The following TMEM209 variants were observed in gnomAD, a reference collection of about 807,000 sequenced individuals.
The protein encoded by TMEM209 is transmembrane protein 209, also known as testicular tissue protein Li 202.
In TMEM209, 65 loss-of-function variants were observed where a neutral mutation model predicts 76.2. That is an observed-to-expected ratio of 0.85 (90% CI 0.70 to 1.05). The LOEUF is 1.05. Ranked by LOEUF, TMEM209 falls within the 50% of genes least tolerant of loss-of-function variation. TMEM209 has a pLI of 0.00. For synonymous variants in TMEM209, 239 were observed against 237.6 expected (o/e 1.01, Z -0.06); for missense variants, 623 against 685.5 (o/e 0.91, Z 1.02).
chr7:130,195,221 C>A (rs1797930076), intron 5 of TMEM209, among the ~76,000 whole-genome samples: 1 of 152,082 alleles, frequency 6.6e-6, no homozygotes, highest in Non-Finnish European at 1.5e-5. Context: ...TATACATTAG[C>A]ATGTAGGGAG....
intron 9 of TMEM209, among the ~76,000 whole-genome samples, chr7:130,178,954 C>CT (rs1220298239): frequency 6.6e-6 from 1 of 151,822 alleles, no homozygotes; most frequent in Non-Finnish European, 1.5e-5. Context: ...CACTTTTTTT[C>CT]TTTTTTTCTA....
intron 6 of TMEM209, among the ~76,000 whole-genome samples, chr7:130,188,247 T>C (rs1395096970): frequency 1.3e-5 from 2 of 152,180 alleles, no homozygotes; most frequent in Non-Finnish European, 2.9e-5. Context: ...TAAAACAGAA[T>C]GCTCCTCTTT....
Position 130,203,978 on chromosome 7 carries a change from C to A in TMEM209, c.136G>T (p.Glu46Ter), listed in dbSNP as rs745659800. Residue 46 changes from glutamate (E) to a stop codon, truncating the protein, a stop_gained, in exon 2 of 15, where the codon GAA becomes TAA. Transcript: ENST00000397622. LOFTEE classifies it high-confidence loss of function. ...TTTTTGGACTGATTCACTTACATTT[C>A]AGTATATATCATTCCAGCCATAGAT... ...NVSMAGMIYT[E>*]MTGKLISSYY... 6.2e-7 allele frequency: 1 copy of A among 1,612,564 alleles called. No homozygotes were observed. Among genetic ancestry groups the A allele is most frequent in the South Asian group, 1.1e-5 (1 of 90,616 alleles).
chr7:130,200,972 C>G (rs977593696), intron 5 of TMEM209, among the ~76,000 whole-genome samples: 1 of 151,106 alleles, frequency 6.6e-6, no homozygotes, highest in African/African-American at 2.4e-5. Context: ...GCCTGTAGTC[C>G]CAGCTACTCG....
chr7:130,205,386 C>T lies in TMEM209; in HGVS notation c.-11G>A, dbSNP rs537338799. 3.5e-5 allele frequency: 57 copies of T among 1,613,914 alleles called. 1 individual carries two copies. In the South Asian group the frequency reaches 5.4e-4, roughly 15 times the overall value. ...CCGAAAACGCACCATGTCCTCTGGC[C>T]GGAAAACGCAGGCTCGCGCCACTCT... On this transcript the variant is annotated 5_prime_UTR_variant, in exon 1 of 15. Transcript: ENST00000397622.
chr7:130,185,228 A>G lies in TMEM209; in HGVS notation c.915T>C (p.Asp305=). ...CTTGTTTAGAGCTGAGATCGGCTTC[A>G]TCTTTGTTAGCACATGGGGCCTGAG... ...CRSQAPCANK[D]EADLSSKQAA... Residue 305 remains aspartate (D), a synonymous_variant, in exon 7 of 15, where the codon GAT becomes GAC. Transcript: ENST00000397622. 1 of 1,613,912 alleles carries G rather than the reference A, an allele frequency of 6.2e-7. No individual in the cohort carries two copies. Among genetic ancestry groups the G allele is most frequent in the Non-Finnish European group, 8.5e-7 (1 of 1,179,820 alleles).
At chr7:130,183,079 G>A (rs1367673394) in intron 8 of TMEM209, among the ~76,000 whole-genome samples, 2 of 152,178 alleles carry the variant, frequency 1.3e-5, no homozygotes, top group East Asian at 3.8e-4. Flanking sequence ...ATGAGGAAAT[G>A]TATTTGTATT....
chr7:130,175,360 C>A, intron 11 of TMEM209, 152 bp downstream of exon 11: 1 of 615,574 alleles, frequency 1.6e-6, no homozygotes, highest in Non-Finnish European at 2.7e-6. Context: ...ACTTGGGAGG[C>A]TGAGCTGGGA....
chr7:130,171,833 T>C (rs775585168), intron 13 of TMEM209, among the ~76,000 whole-genome samples: 6 of 152,180 alleles, frequency 3.9e-5, no homozygotes, highest in Non-Finnish European at 8.8e-5. Context: ...ATCAAGACCA[T>C]CCTGGCTAAC....
At chr7:130,185,041 T>C (rs1479717777) in intron 7 of TMEM209, 151 bp downstream of exon 7, 1 of 905,300 alleles carries the variant, frequency 1.1e-6, no homozygotes, top group African/African-American at 1.7e-5. Context: ...GCACACAAAG[T>C]AAGACAGGAG....
chr7:130,197,621 A>G (rs868025778), intron 5 of TMEM209, among the ~76,000 whole-genome samples: 1 of 152,348 alleles, frequency 6.6e-6, no homozygotes, highest in African/African-American at 2.4e-5. Context: ...TAAACAAAGG[A>G]TGATATTAAG....
At chr7:130,177,022 G>A (rs1157180059) in intron 10 of TMEM209, among the ~76,000 whole-genome samples, 2 of 73,042 alleles carry the variant, frequency 2.7e-5, no homozygotes, top group Admixed American at 3.1e-4. Context: ...AGAGCGAGCC[G>A]GGTCTCAAAA....
intron 7 of TMEM209, 148 bp downstream of exon 7, chr7:130,185,044 G>T: frequency 1.1e-6 from 1 of 920,322 alleles, no homozygotes; most frequent in Non-Finnish European, 1.6e-6. Flanking sequence ...CACAAAGTAA[G>T]ACAGGAGCTT....
intron 9 of TMEM209, among the ~76,000 whole-genome samples, chr7:130,181,413 T>G (rs1226796668): frequency 6.6e-6 from 1 of 152,218 alleles, no homozygotes; most frequent in African/African-American, 2.4e-5. Context: ...CCCAAGACTT[T>G]GGACTGTACA....
intron 5 of TMEM209, among the ~76,000 whole-genome samples, chr7:130,198,360 C>T (rs1798065051): frequency 6.6e-6 from 1 of 151,424 alleles, no homozygotes; most frequent in African/African-American, 2.4e-5. Context: ...CCTGTAATCC[C>T]AGCACTTTGG....
intron 5 of TMEM209, 127 bp from the exon 6 acceptor site, chr7:130,192,950 G>T: frequency 1.2e-6 from 1 of 830,554 alleles, no homozygotes; most frequent in Non-Finnish European, 1.9e-6. Flanking sequence ...ATCAAACGCT[G>T]ATGAGGTTGT....
intron 6 of TMEM209, among the ~76,000 whole-genome samples, chr7:130,191,942 A>G (rs576565458): frequency 1.6e-4 from 24 of 152,352 alleles, no homozygotes; most frequent in Middle Eastern, 6.8e-3. Context: ...ATTAGAAATC[A>G]CTGGTGAGAC....
chr7:130,187,288 A>G (rs1584682710), intron 6 of TMEM209, among the ~76,000 whole-genome samples: 1 of 152,162 alleles, frequency 6.6e-6, no homozygotes. Flanking sequence ...CAACATTATT[A>G]AGATGAATAA....
Position 130,166,826 on chromosome 7 carries a change from A to C in TMEM209, c.1632-321T>G, listed in dbSNP as rs549452957. 2.0e-5 allele frequency among the ~76,000 whole-genome samples: 3 copies of C among 152,304 alleles called. No individual in the cohort carries two copies. In the South Asian group the frequency reaches 6.2e-4, roughly 32 times the overall value. On this transcript the variant is annotated intron_variant, in intron 14 of 14. Transcript: ENST00000397622. ...AAAGTAAAAGTATCAATTGTATTTA[A>C]AAGATGGAAGATATGGAGATGCTAG...
Sources: allele counts gnomAD v4.1 joint callset (sites outside exome capture counted in the v4.1 genomes callset), GRCh38; gene constraint gnomAD v4.1.1; transcripts MANE v1.5; gene names NCBI Gene and HGNC (gene_info 2026-07-23, HGNC 2026-07-21).